Variants in CREB5 observed in about 807,000 individuals in gnomAD.
CREB5 encodes cyclic AMP-responsive element-binding protein 5.
A neutral mutation model predicts 57.1 loss-of-function variants in CREB5; 19 were observed. That is an observed-to-expected ratio of 0.33 (90% CI 0.23 to 0.49). CREB5 has a LOEUF of 0.49. Ranked by LOEUF, CREB5 falls within the 20% of genes least tolerant of loss-of-function variation. The pLI is 0.99. For synonymous variants in CREB5, 238 were observed against 238.3 expected, an observed-to-expected ratio of 1.00 and a Z score of 0.01; for missense variants, 579 against 671.6, an observed-to-expected ratio of 0.86 and a Z score of 1.52.
intron 1 of CREB5, among the ~76,000 whole-genome samples, chr7:28,391,479 G>A (rs1206442095): frequency 6.6e-6 from 1 of 152,180 alleles, no homozygotes; most frequent in African/African-American, 2.4e-5. Flanking sequence ...TATTCAAAAT[G>A]TTTTCATGCT....
intron 1 of CREB5, among the ~76,000 whole-genome samples, chr7:28,328,700 G>A (rs148464016): frequency 2.0e-5 from 3 of 152,158 alleles, no homozygotes; most frequent in Non-Finnish European, 4.4e-5. Flanking sequence ...CTGGGAAGTG[G>A]TTCTCAAACT....
At chr7:28,654,846 C>G (rs138613718) in intron 5 of CREB5, among the ~76,000 whole-genome samples, 45 of 152,238 alleles carry the variant, frequency 3.0e-4, no homozygotes, top group African/African-American at 1.0e-3. Flanking sequence ...AAATTCAAGA[C>G]CCCCGTGACC....
chr7:28,362,349 T>C (rs1179438694), intron 1 of CREB5, among the ~76,000 whole-genome samples: 3 of 152,212 alleles, frequency 2.0e-5, no homozygotes, highest in South Asian at 2.1e-4. Context: ...GTATGACTGT[T>C]AGAAAAAGAA....
intron 8 of CREB5, among the ~76,000 whole-genome samples, chr7:28,808,594 A>G (rs1179745629): frequency 1.3e-5 from 2 of 152,010 alleles, no homozygotes; most frequent in African/African-American, 2.4e-5. Context: ...GCTGGAGTGC[A>G]GTGGCACGAT....
intron 1 of CREB5, among the ~76,000 whole-genome samples, chr7:28,445,930 G>A (rs1336066423): frequency 1.3e-5 from 2 of 152,136 alleles, no homozygotes; most frequent in Non-Finnish European, 2.9e-5. Flanking sequence ...CATGGTAGAA[G>A]CAAAACAACC....
At chr7:28,346,204 T>A (rs1181181999) in intron 1 of CREB5, among the ~76,000 whole-genome samples, 1 of 152,218 alleles carries the variant, frequency 6.6e-6, no homozygotes, top group Non-Finnish European at 1.5e-5. Flanking sequence ...TTTAGGTTGC[T>A]AAAACAAACT....
At chr7:28,455,423 G>A (rs177574) in intron 1 of CREB5, among the ~76,000 whole-genome samples, 125,319 of 152,216 alleles carry the variant, frequency 0.82, 51,720 homozygotes, top group East Asian at 0.97. Flanking sequence ...ACAAGATTTT[G>A]CTAAACATAG....
At chr7:28,332,309 T>C (rs993460455) in intron 1 of CREB5, among the ~76,000 whole-genome samples, 3 of 152,210 alleles carry the variant, frequency 2.0e-5, no homozygotes, top group African/African-American at 7.2e-5. Context: ...TTCTGTTGTC[T>C]GAAGCCACCA....
At chr7:28,486,854 C>G (rs1210281732) in intron 1 of CREB5, among the ~76,000 whole-genome samples, 1 of 150,890 alleles carries the variant, frequency 6.6e-6, no homozygotes, top group Non-Finnish European at 1.5e-5. Context: ...CTTGTAATCC[C>G]AGCATTTTGG....
intron 4 of CREB5, among the ~76,000 whole-genome samples, chr7:28,567,221 CT>C (rs757640039): frequency 1.3e-5 from 2 of 152,178 alleles, no homozygotes; most frequent in Non-Finnish European, 2.9e-5. Flanking sequence ...ATATTCAAGG[CT>C]TGTGGCTTTC....
intron 7 of CREB5, among the ~76,000 whole-genome samples, chr7:28,766,630 C>G (rs896026092): frequency 6.6e-6 from 1 of 152,176 alleles, no homozygotes; most frequent in African/African-American, 2.4e-5. Context: ...CATTGGAGCA[C>G]CCACGGGCTG....
intron 7 of CREB5, among the ~76,000 whole-genome samples, chr7:28,725,663 GAAAGA>G (rs1428850327): frequency 1.4e-5 from 2 of 142,044 alleles, no homozygotes; most frequent in Non-Finnish European, 3.0e-5. Context: ...AAAAAAAAAA[GAAAGA>G]AAGAAAGAAA....
chr7:28,409,518 T>G (rs1286977434), upstream of CREB5: 2 of 161,800 alleles, frequency 1.2e-5, no homozygotes, highest in African/African-American at 4.8e-5. This position sits in a 1 kb window ranked among gnomAD's most constrained non-coding sequence, Gnocchi z 4.4. Context: ...GGGAGTGTAC[T>G]TGTTTGCAGG....
At chr7:28,643,650 C>T (rs1798769129) in intron 5 of CREB5, among the ~76,000 whole-genome samples, 1 of 151,802 alleles carries the variant, frequency 6.6e-6, no homozygotes, top group Non-Finnish European at 1.5e-5. Context: ...AAAGAAGCAT[C>T]AGGTTTTACC....
intron 4 of CREB5, among the ~76,000 whole-genome samples, chr7:28,527,517 T>C (rs1490744288): frequency 6.6e-6 from 1 of 152,194 alleles, no homozygotes; most frequent in African/African-American, 2.4e-5. Flanking sequence ...AGACCACTGG[T>C]CTAAAAATTC....
chr7:28,610,980 G>A (rs998132156), intron 5 of CREB5, among the ~76,000 whole-genome samples: 2 of 152,000 alleles, frequency 1.3e-5, no homozygotes, highest in Non-Finnish European at 2.9e-5. Flanking sequence ...AGGGGGGTGT[G>A]TGTGTGAGTC....
chr7:28,451,385 G>A (rs945480993), intron 1 of CREB5, among the ~76,000 whole-genome samples: 1 of 151,852 alleles, frequency 6.6e-6, no homozygotes, highest in Non-Finnish European at 1.5e-5. Flanking sequence ...AGGTTATTCA[G>A]GTATTTTACA....
At chr7:28,580,832 G>A (rs1272099869) in intron 5 of CREB5, among the ~76,000 whole-genome samples, 1 of 152,126 alleles carries the variant, frequency 6.6e-6, no homozygotes. Context: ...GCTTCAACAT[G>A]TTTGGACGAT....
chr7:28,614,312 G>C (rs1797517210), intron 5 of CREB5, among the ~76,000 whole-genome samples: 1 of 152,146 alleles, frequency 6.6e-6, no homozygotes, highest in Non-Finnish European at 1.5e-5. Flanking sequence ...ATCCATTTGG[G>C]ATTTGATCTT....
Sources: gnomAD v4.1 joint callset for allele counts (sites outside exome capture counted in the v4.1 genomes callset) on GRCh38, gnomAD v4.1.1 for gene constraint, Gnocchi (gnomAD v3.1) non-coding constraint, MANE v1.5 for transcripts, NCBI Gene and HGNC (gene_info 2026-07-23, HGNC 2026-07-21) for gene names.